Variants in C16orf78 observed in about 807,000 individuals in gnomAD.
C16orf78 encodes chromosome 16 open reading frame 78.
In C16orf78, 19 loss-of-function variants were observed where a neutral mutation model predicts 27.3. That is an observed-to-expected ratio of 0.70 (90% CI 0.49 to 1.02). The LOEUF (loss-of-function observed/expected upper bound fraction) is 1.02. Among genes scored for constraint, C16orf78 ranks in the 50% least tolerant of loss-of-function variants. The probability of loss-of-function intolerance (pLI) is 0.00; values close to 1 mark genes in which losing one functional copy is unlikely to be tolerated. For synonymous variants in C16orf78, 130 were observed against 116.1 expected, an observed-to-expected ratio of 1.12 and a Z score of -0.77; for missense variants, 339 against 337.0, an observed-to-expected ratio of 1.01 and a Z score of -0.05.
intron 4 of C16orf78, among the ~76,000 whole-genome samples, chr16:49,397,997 C>T: frequency 6.6e-6 from 1 of 152,196 alleles, no homozygotes. Context: ...AACTCCTATT[C>T]TCAGGTGGTT....
intron 3 of C16orf78, among the ~76,000 whole-genome samples, chr16:49,382,425 A>T (rs1965297508): frequency 6.6e-6 from 1 of 150,406 alleles, no homozygotes. Flanking sequence ...AATAAAATAA[A>T]TAAATAAATA....
At chr16:49,396,388 G>T in intron 3 of C16orf78, 35 bp from the exon 4 acceptor site, 1 of 1,608,654 alleles carries the variant, frequency 6.2e-7, no homozygotes, top group Non-Finnish European at 8.5e-7. Flanking sequence ...CGTCTCCCAC[G>T]GTCTAACTCT....
chr16:49,381,834 A>G (rs1481869836), intron 3 of C16orf78, among the ~76,000 whole-genome samples: 1 of 152,194 alleles, frequency 6.6e-6, no homozygotes, highest in African/African-American at 2.4e-5. Context: ...AACTAGTCCA[A>G]CCATTGTGGA....
chr16:49,381,223 C>A (rs1567390983), intron 3 of C16orf78, among the ~76,000 whole-genome samples: 1 of 152,158 alleles, frequency 6.6e-6, no homozygotes, highest in African/African-American at 2.4e-5. Flanking sequence ...TTACCTTGGG[C>A]AGTATGGCCA....
At chr16:49,377,624 TGGAGG>T (rs1196081791) in intron 1 of C16orf78, 102 bp from the exon 2 acceptor site, 12 of 1,382,992 alleles carry the variant, frequency 8.7e-6, no homozygotes, top group Middle Eastern at 2.5e-4. Flanking sequence ...CTGAAGCCTG[TGGAGG>T]GGAGGGACAG....
At chr16:49,394,147 A>G (rs537770827) in intron 3 of C16orf78, among the ~76,000 whole-genome samples, 2 of 152,268 alleles carry the variant, frequency 1.3e-5, no homozygotes, top group South Asian at 4.1e-4. Context: ...AAGAGCAAAT[A>G]ATTCTAATGT....
At chr16:49,378,114 A>G (rs1036724884) in intron 2 of C16orf78, among the ~76,000 whole-genome samples, 3 of 152,144 alleles carry the variant, frequency 2.0e-5, no homozygotes, top group Non-Finnish European at 4.4e-5. Flanking sequence ...AAACCATTCA[A>G]GAAGGCCACT....
At chr16:49,393,051 G>T (rs1255115831) in intron 3 of C16orf78, among the ~76,000 whole-genome samples, 1 of 152,160 alleles carries the variant, frequency 6.6e-6, no homozygotes, top group Non-Finnish European at 1.5e-5. Flanking sequence ...TGCCATGATT[G>T]TGAGGCCTCC....
At chr16:49,392,333 C>G (rs111443495) in intron 3 of C16orf78, among the ~76,000 whole-genome samples, 1,978 of 152,312 alleles carry the variant, frequency 0.013, 24 homozygotes, top group Middle Eastern at 0.037. Context: ...GGATTTTTAT[C>G]AGCCATACAT....
At chr16:49,386,675 A>G (rs777278157) in intron 3 of C16orf78, among the ~76,000 whole-genome samples, 26 of 151,978 alleles carry the variant, frequency 1.7e-4, no homozygotes, top group Non-Finnish European at 3.8e-4. Context: ...TTTGTCTCCC[A>G]CTTATTAGTG....
intron 4 of C16orf78, among the ~76,000 whole-genome samples, chr16:49,397,893 G>C (rs924287106): frequency 2.6e-5 from 4 of 152,182 alleles, no homozygotes; most frequent in Non-Finnish European, 5.9e-5. Context: ...AGCCTCCTGA[G>C]TAGCTGGGAT....
At chr16:49,379,117 A>G (rs62029101) in intron 3 of C16orf78, among the ~76,000 whole-genome samples, 3,584 of 152,188 alleles carry the variant, frequency 0.024, 61 homozygotes, top group Non-Finnish European at 0.038. Flanking sequence ...ATCCTGGACA[A>G]CTTATTCCAT....
intron 3 of C16orf78, among the ~76,000 whole-genome samples, chr16:49,385,044 C>G (rs946218035): frequency 1.3e-5 from 2 of 152,060 alleles, no homozygotes; most frequent in Non-Finnish European, 2.9e-5. Context: ...AAAGTGAGTT[C>G]CTCAAGCTGA....
chr16:49,376,223 C>T (rs553660492), intron 1 of C16orf78, among the ~76,000 whole-genome samples: 2 of 152,358 alleles, frequency 1.3e-5, no homozygotes, highest in East Asian at 3.9e-4. Context: ...CATCCAGGCT[C>T]TTCCCCCAAC....
chr16:49,385,378 T>G (rs1182447972), intron 3 of C16orf78, among the ~76,000 whole-genome samples: 1 of 152,162 alleles, frequency 6.6e-6, no homozygotes, highest in African/African-American at 2.4e-5. Flanking sequence ...GTTATAACTA[T>G]AAAATGTTTT....
chr16:49,388,254 T>C (rs552290705), intron 3 of C16orf78, among the ~76,000 whole-genome samples: 1 of 152,194 alleles, frequency 6.6e-6, no homozygotes, highest in African/African-American at 2.4e-5. Flanking sequence ...CTGCTAGTTT[T>C]GGGGTTGGTT....
intron 3 of C16orf78, among the ~76,000 whole-genome samples, chr16:49,386,937 T>C (rs891211968): frequency 6.6e-6 from 1 of 152,234 alleles, no homozygotes; most frequent in Non-Finnish European, 1.5e-5. Flanking sequence ...GGTAAAATGA[T>C]TTATATTCCC....
intron 3 of C16orf78, among the ~76,000 whole-genome samples, chr16:49,388,430 A>G (rs1282697867): frequency 6.6e-6 from 1 of 152,200 alleles, no homozygotes; most frequent in Non-Finnish European, 1.5e-5. Context: ...ATCTGTTTCA[A>G]ATAACTTCTT....
chr16:49,378,301 G>A (rs931080439), intron 2 of C16orf78, among the ~76,000 whole-genome samples, 169 bp from the exon 3 acceptor site: 1 of 152,214 alleles, frequency 6.6e-6, no homozygotes, highest in Non-Finnish European at 1.5e-5. Context: ...AGCACCCGTG[G>A]GCAGACCCTG....
Sources: gnomAD v4.1 joint callset for allele counts (sites outside exome capture counted in the v4.1 genomes callset) on GRCh38, gnomAD v4.1.1 for gene constraint, MANE v1.5 for transcripts, NCBI Gene and HGNC (gene_info 2026-07-23, HGNC 2026-07-21) for gene names.